The following SLC30A6 variants were observed in gnomAD, a reference collection of about 807,000 sequenced individuals.
SLC30A6 encodes the protein solute carrier family 30 member 6.
Under a neutral mutation model 63.0 loss-of-function variants are expected in SLC30A6, and 55 were observed. The ratio of observed to expected loss-of-function variants is 0.87; its 90% confidence interval spans 0.70 to 1.09. The LOEUF is 1.09. Ranked by LOEUF, SLC30A6 falls within the 50% of genes least tolerant of loss-of-function variation. The pLI, the probability that SLC30A6 is intolerant of heterozygous loss-of-function variation, is 0.00. For missense variants in SLC30A6, 587 were observed against 549.2 expected, an observed-to-expected ratio of 1.07 and a Z score of -0.69; for synonymous variants, 224 against 186.1, an observed-to-expected ratio of 1.20 and a Z score of -1.66.
chr2:32,184,822 TTAAAA>T (rs1305990641), intron 5 of SLC30A6, among the ~76,000 whole-genome samples: 2 of 152,184 alleles, frequency 1.3e-5, no homozygotes, highest in African/African-American at 4.8e-5. Flanking sequence ...ATAAATCATA[TTAAAA>T]TAAAATGTTC....
At chr2:32,193,729 A>G (rs574172592) in intron 7 of SLC30A6, among the ~76,000 whole-genome samples, 160 bp from the exon 8 acceptor site, 1 of 152,348 alleles carries the variant, frequency 6.6e-6, no homozygotes, top group East Asian at 1.9e-4. Flanking sequence ...GACATGGGTG[A>G]TGGGGCTAGT....
In SLC30A6 at chr2:32,172,429, G is replaced by A. The variant is rs532405183; in HGVS notation, c.90+1056G>A. Among the ~76,000 whole-genome samples the A allele has an allele frequency of 1.1e-4, 17 of 151,658 alleles. No individual in the cohort carries two copies. In the East Asian group the frequency reaches 3.3e-3, roughly 29 times the overall value. ...GAATCTTGCTAAATTATCCAGGCTG[G>A]TCTTGAACTCCTGGGCTCAAGGGAT... On this transcript the variant is annotated intron_variant, in intron 2 of 13. Transcript: ENST00000282587.
At chr2:32,194,836 G>C (rs1467064473) in intron 8 of SLC30A6, among the ~76,000 whole-genome samples, 1 of 151,910 alleles carries the variant, frequency 6.6e-6, no homozygotes, top group Non-Finnish European at 1.5e-5. Flanking sequence ...AAGATCACTA[G>C]AATTTCTTGA....
chr2:32,218,754 G>A (rs1229823437), intron 13 of SLC30A6, among the ~76,000 whole-genome samples: 2 of 151,916 alleles, frequency 1.3e-5, no homozygotes, highest in African/African-American at 4.8e-5. Context: ...ACGTGATTTC[G>A]CCATGTTGGC....
intron 10 of SLC30A6, among the ~76,000 whole-genome samples, chr2:32,198,414 G>C (rs770342593): frequency 1.3e-5 from 2 of 152,100 alleles, no homozygotes; most frequent in African/African-American, 4.8e-5. Context: ...TCCAAAAGGC[G>C]TATCTTCCTG....
chr2:32,215,357 G>A (rs1447218307), intron 13 of SLC30A6, among the ~76,000 whole-genome samples: 1 of 151,644 alleles, frequency 6.6e-6, no homozygotes, highest in African/African-American at 2.4e-5. Flanking sequence ...ACCACGCCTG[G>A]CTAATTTTTG....
rs200570260 is a variant in SLC30A6, at chr2:32,165,869, G to T, written c.-32G>T. On this transcript the variant is annotated 5_prime_UTR_variant, in exon 1 of 14. Transcript: ENST00000282587. ...CTGGGAAAACTCGAGCACCCAGAAC[G>T]GCTTCCGGCGGGAGCTGTGCAGCTC... 2.3e-5 allele frequency: 37 copies of T among 1,613,762 alleles called. 1 individual carries two copies. The Admixed American group carries it at 2.5e-4, about 11-fold the overall frequency.
chr2:32,190,462 A>G (rs1683228948), intron 5 of SLC30A6, among the ~76,000 whole-genome samples: 1 of 151,778 alleles, frequency 6.6e-6, no homozygotes, highest in Non-Finnish European at 1.5e-5. Flanking sequence ...CCGTCTCAAA[A>G]AAAAAAAAAA....
At chr2:32,192,212 G>T (rs1683390323) in intron 5 of SLC30A6, 124 bp from the exon 6 acceptor site, 2 of 751,240 alleles carry the variant, frequency 2.7e-6, no homozygotes, top group Non-Finnish European at 4.5e-6. Context: ...TAACAGTGTT[G>T]GGCTCATAGT....
rs185130635 is a variant in SLC30A6, at chr2:32,185,861, A to G, written c.284+1523A>G. On this transcript the variant is annotated intron_variant, in intron 5 of 13. Coordinates refer to ENST00000282587, the MANE Select transcript of SLC30A6 (RefSeq NM_017964.5). ...CAGCCTCCCGAGTACCTGGGATTAC[A>G]GGTGTGTGCCACCACGCCTGGCTCA... Among the ~76,000 whole-genome samples the G allele has an allele frequency of 5.2e-3, 778 of 149,898 alleles. 5 individuals carry two copies. The highest frequency in any genetic ancestry group is 0.017 in the African/African-American group (707 of 40,836).
intron 8 of SLC30A6, among the ~76,000 whole-genome samples, chr2:32,195,643 G>A (rs954095220): frequency 6.7e-6 from 1 of 149,698 alleles, no homozygotes; most frequent in African/African-American, 2.4e-5. Flanking sequence ...GTTGTATATT[G>A]CCAAATTTAT....
chr2:32,214,594 T>A (rs912354459), intron 13 of SLC30A6: 10 of 152,202 alleles, frequency 6.6e-5, no homozygotes, highest in Non-Finnish European at 1.5e-4. Flanking sequence ...TTAATGACAT[T>A]GGATGGCTTA....
rs920078813 is a variant in SLC30A6, at chr2:32,220,850, C to G, written c.*137C>G. The G allele has an allele frequency of 3.8e-6, 3 of 790,334 alleles. No individual in the cohort carries two copies. The highest frequency in any genetic ancestry group is 1.7e-5 in the African/African-American group (1 of 57,636). The allele number at this position is 790,334 out of a possible 1,614,324, so 49.0% of individuals were successfully genotyped here. On this transcript the variant is annotated 3_prime_UTR_variant, in exon 14 of 14. Transcript: ENST00000282587. ...TAGTCTTGTTCACATTTCATGAAAC[C>G]TATGAAACTATATTTTTGTAAAATG...
chr2:32,169,327 C>T (rs1197846325), intron 1 of SLC30A6, among the ~76,000 whole-genome samples: 1 of 152,060 alleles, frequency 6.6e-6, no homozygotes, highest in Non-Finnish European at 1.5e-5. Context: ...TACCACTATG[C>T]CTGGCTAATT....
Position 32,220,515 on chromosome 2 carries a change from G to A in SLC30A6, c.1188G>A (p.Val396=). 3 of 1,614,166 alleles carry A rather than the reference G, an allele frequency of 1.9e-6. No individual in the cohort carries two copies. Among genetic ancestry groups the A allele is most frequent in the Non-Finnish European group, 2.5e-6 (3 of 1,180,040 alleles). ...CATTTAACACTCCTGGGAAAAATGT[G>A]AACCCAGTTATTCTTCTAAACACAC... ...EFSFNTPGKN[V]NPVILLNTQT... is the part of the protein sequence containing the mutation. Residue 396 remains valine, a synonymous_variant, in exon 14 of 14, where the codon GTG becomes GTA. Transcript: ENST00000282587.
intron 13 of SLC30A6, among the ~76,000 whole-genome samples, chr2:32,210,232 C>G (rs947300306): frequency 3.3e-5 from 5 of 152,078 alleles, no homozygotes; most frequent in Non-Finnish European, 7.4e-5. Context: ...AGATCACGGG[C>G]TGGGCGTGGT....
intron 13 of SLC30A6, among the ~76,000 whole-genome samples, chr2:32,213,314 T>G (rs1218956871): frequency 6.6e-6 from 1 of 151,550 alleles, no homozygotes; most frequent in Non-Finnish European, 1.5e-5. Flanking sequence ...TTTTTTTTTT[T>G]TTTTTGGAGG....
At chr2:32,186,842 C>A (rs1448168372) in intron 5 of SLC30A6, among the ~76,000 whole-genome samples, 5 of 151,236 alleles carry the variant, frequency 3.3e-5, no homozygotes, top group Non-Finnish European at 7.4e-5. Context: ...CAAAAAAATA[C>A]AAAAATATGC....
chr2:32,167,382 C>CTTTTTTTTTTTTTTT (rs11293465), intron 1 of SLC30A6, among the ~76,000 whole-genome samples: 2 of 132,538 alleles, frequency 1.5e-5, no homozygotes, highest in Non-Finnish European at 1.6e-5. Flanking sequence ...GCCACAAACT[C>CTTTTTTTTTTTTTTT]TTTTTTTTTT....
Sources: allele counts gnomAD v4.1 joint callset (sites outside exome capture counted in the v4.1 genomes callset), GRCh38; gene constraint gnomAD v4.1.1; transcripts MANE v1.5; gene names NCBI Gene and HGNC (gene_info 2026-07-23, HGNC 2026-07-21).